Variants in RTEL1 observed in about 807,000 individuals in gnomAD.
RTEL1 encodes the protein regulator of telomere elongation helicase 1, also known as regulator of telomere length.
Under a neutral mutation model 162.2 loss-of-function variants are expected in RTEL1, and 86 were observed. That is an observed-to-expected ratio of 0.53 (90% CI 0.45 to 0.63). The LOEUF (loss-of-function observed/expected upper bound fraction) is 0.63, where lower values mean the gene tolerates loss of function less well. Ranked by LOEUF, RTEL1 falls within the 30% of genes least tolerant of loss-of-function variation. The pLI is 0.00. For synonymous variants in RTEL1, 958 were observed against 717.9 expected (o/e 1.33, Z -5.35); for missense variants, 1,941 against 1,750.2 (o/e 1.11, Z -1.95).
chr20:63,690,579 T>A, intron 26 of RTEL1, 138 bp downstream of exon 26: 1 of 1,239,258 alleles, frequency 8.1e-7, no homozygotes, highest in Non-Finnish European at 1.1e-6. Context: ...AGGCTGCCTC[T>A]CCCTCCTAGG....
At position 63,695,937 on chromosome 20, in the gene RTEL1, C is replaced by G. The variant is rs1377815309; in HGVS notation, c.*79C>G. 12 of 1,406,734 alleles carry G rather than the reference C, an allele frequency of 8.5e-6. No homozygotes were observed. The East Asian group carries it at 3.0e-4, about 35-fold the overall frequency. 87.1% of individuals were successfully genotyped at this position (1,406,734 alleles called of 1,614,324 possible). A position where few individuals can be genotyped will look rare whatever the true frequency, so the allele number is the denominator to read the frequency against. On this transcript the variant is annotated 3_prime_UTR_variant, in exon 35 of 35. Coordinates refer to ENST00000360203, the MANE Select transcript of RTEL1 (RefSeq NM_001283009.2). ...AGCTCTGGTGGGCCAAGAACCCACC[C>G]AACAGAATAGGCCAGCCCATGCCAG...
chr20:63,692,050 AC>A, intron 28 of RTEL1: 1 of 530,630 alleles, frequency 1.9e-6, no homozygotes. Context: ...ATCAGGCCCC[AC>A]CCTTGGGCAG....
intron 16 of RTEL1, chr20:63,686,321 C>T (rs1019642826): frequency 3.4e-5 from 7 of 204,436 alleles, no homozygotes; most frequent in African/African-American, 7.0e-5. Context: ...CGAGGCCCCA[C>T]GTGCCTTCTT....
intron 10 of RTEL1, among the ~76,000 whole-genome samples, chr20:63,677,942 C>T (rs1487950008): frequency 7.8e-6 from 1 of 128,492 alleles, no homozygotes; most frequent in Admixed American, 7.7e-5. Context: ...CTCTTCCTTC[C>T]CCTGTTGGTG....
chr20:63,683,689 G>A (rs922145359), intron 14 of RTEL1, among the ~76,000 whole-genome samples: 1 of 152,174 alleles, frequency 6.6e-6, no homozygotes, highest in South Asian at 2.1e-4. Context: ...CTCTGACGGC[G>A]GTGGCTTGGC....
rs771956401 is a variant in RTEL1, at chr20:63,672,632, G to A, written c.765+11G>A. The A allele has an allele frequency of 8.3e-6, 13 of 1,573,332 alleles. No individual in the cohort carries two copies. The highest frequency in any genetic ancestry group is 2.7e-5 in the African/African-American group (2 of 74,300). On this transcript the variant is annotated intron_variant, in intron 9 of 34. Coordinates refer to ENST00000360203, the MANE Select transcript of RTEL1 (RefSeq NM_001283009.2). Reference sequence around the variant, plus strand: ...GAAGCTCACAACGTGGTGAGTCTCCGCTGGCCTCCTAAACACCTCCTATTG... The same window carrying A: ...GAAGCTCACAACGTGGTGAGTCTCCACTGGCCTCCTAAACACCTCCTATTG...
Position 63,694,408 on chromosome 20 carries a change from C to CAAGCTG in RTEL1, c.3029_3030insAAGCTG (p.Thr1010_Ala1011insSerTrp). The CAAGCTG allele has an allele frequency of 6.2e-7, 1 of 1,612,432 alleles. No individual in the cohort carries two copies. On this transcript the variant is annotated inframe_insertion, in exon 31 of 35. Coordinates refer to ENST00000360203, the MANE Select transcript of RTEL1 (RefSeq NM_001283009.2). ...CCGGATCCCAAGCTGACCGTGTCCACGGCTGCAGCCCAGCAGCTGGACCCC... is the reference window on the plus strand; with the variant it reads ...CCGGATCCCAAGCTGACCGTGTCCACAAGCTGGGCTGCAGCCCAGCAGCTGGACCCC...
intron 16 of RTEL1, chr20:63,686,780 G>A (rs1235777396): frequency 6.4e-6 from 1 of 155,698 alleles, no homozygotes; most frequent in Non-Finnish European, 1.4e-5. Flanking sequence ...CCGGGGGGAG[G>A]CCGGCGCCCC....
At position 63,687,949 on chromosome 20, in the gene RTEL1, C is replaced by T. The variant is rs777373768; in HGVS notation, c.1494C>T (p.Val498=). 4.3e-6 allele frequency: 7 copies of T among 1,612,646 alleles called. No homozygotes were observed. In the Admixed American group the frequency reaches 6.7e-5, roughly 15 times the overall value. The change falls in exon 18 of 35, where the codon GTC becomes GTT. Residue 498 remains valine (V), a synonymous_variant. Coordinates refer to ENST00000360203, the MANE Select transcript of RTEL1 (RefSeq NM_001283009.2). The part of the protein sequence containing the change: ...FALEMQIPFP[V]CLENPHIIDK... ...TGGCCACGCTCAGCCCTTTCCCAGT[C>T]TGCCTGGAGAACCCACACATCATCG...
intron 8 of RTEL1, among the ~76,000 whole-genome samples, chr20:63,670,905 G>A (rs141620712): frequency 3.9e-4 from 59 of 152,198 alleles, no homozygotes; most frequent in East Asian, 1.5e-3. Context: ...GAAGCAGCCC[G>A]CGTGAGCCCA....
chr20:63,675,652 C>G (rs769441599), intron 10 of RTEL1, among the ~76,000 whole-genome samples: 103 of 152,288 alleles, frequency 6.8e-4, no homozygotes, highest in Non-Finnish European at 1.4e-3. Flanking sequence ...GCGCCGGGAC[C>G]ACAGGTGTGC....
rs114292675 is a variant in RTEL1, at chr20:63,688,148, G to A, written c.1605G>A (p.Glu535=). The stretch of plus-strand genomic sequence containing the variant: ...GCCTCTCCGGCTCTAGGTTTTCCGA[G>A]GAGTGCTTATCCTCCCTGGGGAAGG... ...LSSAFDRRFS[E]ECLSSLGKAL... Residue 535 remains glutamate, a synonymous_variant, in exon 19 of 35, where the codon GAG becomes GAA. Transcript: ENST00000360203. 2.6e-4 allele frequency: 426 copies of A among 1,612,462 alleles called. No individual in the cohort carries two copies. In the African/African-American group the frequency reaches 5.0e-3, roughly 19 times the overall value.
Position 63,694,482 on chromosome 20 carries a change from C to G in RTEL1, c.3103C>G (p.Pro1035Ala). The G allele has an allele frequency of 6.3e-7, 1 of 1,596,552 alleles. No homozygotes were observed. The highest frequency in any genetic ancestry group is 1.1e-5 in the South Asian group (1 of 90,516). Residue 1035 changes from proline to alanine, a missense_variant, in exon 31 of 35, where the codon CCA (proline) becomes GCA (alanine). Pro to Ala is a conservative substitution (Grantham distance 27). Coordinates refer to ENST00000360203, the MANE Select transcript of RTEL1 (RefSeq NM_001283009.2). ...GRPHLSPRPP[P>A]TGDPGSQPQW... ...GCCCCACCTGTCGCCCAGGCCACCC[C>G]CAACAGGTAGCTGACTCCTGAACCG...
chr20:63,684,300 T>C (rs564519903), intron 14 of RTEL1, among the ~76,000 whole-genome samples: 1 of 152,272 alleles, frequency 6.6e-6, no homozygotes, highest in African/African-American at 2.4e-5. Context: ...CTTTTCCTCA[T>C]GTTTTTGTTC....
At chr20:63,692,779 T>C (rs1036180883) in intron 28 of RTEL1, 26 bp from the exon 29 acceptor site, 3 of 1,597,902 alleles carry the variant, frequency 1.9e-6, no homozygotes, top group Admixed American at 3.4e-5. Flanking sequence ...CTGGCCCTGA[T>C]GGAGCCTCGG....
At position 63,695,454 on chromosome 20, in the gene RTEL1, C is replaced by G. The variant is rs761634403; in HGVS notation, c.3626C>G (p.Pro1209Arg). Residue 1209 changes from proline to arginine, a missense_variant, in exon 34 of 35, where the codon CCC becomes CGC. Transcript: ENST00000360203. Reference protein sequence around the residue: ...DAGPSQSSGPPHGPAASEWGE... With the variant: ...DAGPSQSSGPRHGPAASEWGE... The stretch of plus-strand genomic sequence containing the variant: ...GGTCCCAGCCAGTCCTCAGGACCTC[C>G]CCACGGGCCTGCAGCATCTGAGTGG... The G allele has an allele frequency of 6.3e-7, 1 of 1,589,850 alleles. No homozygotes were observed. The highest frequency in any genetic ancestry group is 8.6e-7 in the Non-Finnish European group (1 of 1,167,580).
In RTEL1 at chr20:63,659,124, A is replaced by T. The variant is rs1393773053; in HGVS notation, c.-170-109A>T. 6.9e-6 allele frequency: 3 copies of T among 434,660 alleles called. No homozygotes were observed. In the East Asian group the frequency reaches 1.2e-4, roughly 17 times the overall value. 26.9% of individuals were successfully genotyped at this position (434,660 alleles called of 1,614,324 possible). Reference sequence around the variant, plus strand: ...CCAGCTCCTCGAGATGGGATATACCAGGGTTGCTCTCCAACCCTCTCCGCA... The same window carrying T: ...CCAGCTCCTCGAGATGGGATATACCTGGGTTGCTCTCCAACCCTCTCCGCA... On this transcript the variant is annotated intron_variant, in intron 1 of 34. Transcript: ENST00000360203.
chr20:63,695,135 G>A lies in RTEL1; in HGVS notation c.3413G>A (p.Arg1138Gln), dbSNP rs756727783. Residue 1138 changes from arginine (R) to glutamine (Q), a missense_variant, in exon 33 of 35, where the codon CGG (arginine) becomes CAG (glutamine). Physicochemically the swap from Arg to Gln is conservative, Grantham distance 43 (BLOSUM62 1). Coordinates refer to ENST00000360203, the MANE Select transcript of RTEL1 (RefSeq NM_001283009.2). ...FSQTCTDLTG[R>Q]PYPGMEPPGP... ...CAGACGTGCACAGACCTGACCGGCC[G>A]GCCCTACCCGGGCATGGAGCCACCG... 33 of 1,612,252 alleles carry A rather than the reference G, an allele frequency of 2.0e-5. No individual in the cohort carries two copies. Among genetic ancestry groups the A allele is most frequent in the East Asian group, 6.7e-5 (3 of 44,886 alleles).
At chr20:63,679,543 G>T (rs576514819) in intron 12 of RTEL1, among the ~76,000 whole-genome samples, 9 of 152,148 alleles carry the variant, frequency 5.9e-5, no homozygotes. Flanking sequence ...CTGTTCTCGT[G>T]CTGGCCAGGC....
Sources: gnomAD v4.1 joint callset for allele counts (sites outside exome capture counted in the v4.1 genomes callset) on GRCh38, gnomAD v4.1.1 for gene constraint, MANE v1.5 for transcripts, NCBI Gene and HGNC (gene_info 2026-07-23, HGNC 2026-07-21) for gene names.